Variants in THSD7B observed in about 807,000 individuals in gnomAD.
The protein encoded by THSD7B is thrombospondin type 1 domain containing 7B, also known as thrombospondin type-1 domain-containing protein 7B.
THSD7B carries 138 observed loss-of-function variants against 213.6 expected under a neutral mutation model. The ratio of observed to expected loss-of-function variants is 0.65; its 90% CI spans 0.56 to 0.74. The LOEUF is 0.74. THSD7B is among the 30% of genes least tolerant of loss of function. The pLI, the probability that THSD7B is intolerant of heterozygous loss-of-function variation, is 0.00. For missense variants in THSD7B, 1,931 were observed against 1,991.5 expected (o/e 0.97, Z 0.58); for synonymous variants, 742 against 687.0 (o/e 1.08, Z -1.25).
chr2:136,833,917 T>C (rs527421808), intron 1 of THSD7B, among the ~76,000 whole-genome samples: 77 of 152,314 alleles, frequency 5.1e-4, no homozygotes, highest in African/African-American at 1.9e-3. Context: ...TCATCTAAAA[T>C]GCATGGCATG....
chr2:137,275,981 A>C lies in THSD7B; in HGVS notation c.2455A>C (p.Ile819Leu). The C allele has an allele frequency of 6.2e-7, 1 of 1,612,312 alleles. No individual in the cohort carries two copies. Among genetic ancestry groups the C allele is most frequent in the Non-Finnish European group, 8.5e-7 (1 of 1,178,906 alleles). ...ILVPESVWQG[I>L]TGSSEACGKG... ...AGTGCCAGAGTCTGTCTGGCAGGGA[A>C]TAACGGGCAGCAGTGAAGCCTGTGG... The change falls in exon 12 of 28, where the codon ATA becomes CTA. Residue 819 changes from isoleucine (I) to leucine (L), a missense_variant. Physicochemically the swap from Ile to Leu is conservative, Grantham distance 5. Transcript: ENST00000409968.
intron 15 of THSD7B, among the ~76,000 whole-genome samples, chr2:137,486,369 T>A (rs997889452): frequency 2.0e-5 from 3 of 149,188 alleles, no homozygotes; most frequent in Admixed American, 6.7e-5. Flanking sequence ...AAACAGACTT[T>A]AAACCAACAA....
At chr2:136,903,063 A>G (rs1266618472) in intron 2 of THSD7B, among the ~76,000 whole-genome samples, 1 of 152,188 alleles carries the variant, frequency 6.6e-6, no homozygotes, top group Non-Finnish European at 1.5e-5. Flanking sequence ...TGAGTGCTCT[A>G]TCCCATCATT....
intron 1 of THSD7B, among the ~76,000 whole-genome samples, chr2:136,873,550 G>A (rs1683477102): frequency 6.6e-6 from 1 of 152,184 alleles, no homozygotes; most frequent in Non-Finnish European, 1.5e-5. Flanking sequence ...GGTACAGAGT[G>A]CTTTTTAGCT....
intron 6 of THSD7B, among the ~76,000 whole-genome samples, chr2:137,164,768 A>T (rs1423696141): frequency 6.6e-6 from 1 of 152,210 alleles, no homozygotes; most frequent in East Asian, 1.9e-4. Context: ...TTCTCAGCAA[A>T]CTATCGCAAG....
chr2:136,916,108 G>T (rs935041633), intron 2 of THSD7B, among the ~76,000 whole-genome samples: 4 of 152,150 alleles, frequency 2.6e-5, no homozygotes, highest in Non-Finnish European at 4.4e-5. Context: ...GGCAATGATG[G>T]ATGTTTTTGT....
intron 17 of THSD7B, among the ~76,000 whole-genome samples, chr2:137,612,363 C>T (rs1367887015): frequency 6.6e-6 from 1 of 152,158 alleles, no homozygotes; most frequent in African/African-American, 2.4e-5. Context: ...TCAAGCTTGA[C>T]TTCCAATGTA....
chr2:137,226,846 A>G (rs1267505219), intron 7 of THSD7B, among the ~76,000 whole-genome samples: 1 of 146,818 alleles, frequency 6.8e-6, no homozygotes, highest in Non-Finnish European at 1.6e-5. Context: ...CCAAATGTCT[A>G]TCGACAGATG....
At chr2:136,972,258 G>A (rs1685417730) in intron 2 of THSD7B, among the ~76,000 whole-genome samples, 1 of 152,088 alleles carries the variant, frequency 6.6e-6, no homozygotes. Flanking sequence ...ATCCACCTTG[G>A]AAGTTAGTAG....
At chr2:137,553,041 A>G (rs1202991714) in intron 15 of THSD7B, among the ~76,000 whole-genome samples, 1 of 152,182 alleles carries the variant, frequency 6.6e-6, no homozygotes, top group Non-Finnish European at 1.5e-5. Flanking sequence ...AAGCAATCTC[A>G]TAGTGCTTTA....
chr2:137,000,532 T>C (rs1685982202), intron 2 of THSD7B, among the ~76,000 whole-genome samples: 1 of 152,170 alleles, frequency 6.6e-6, no homozygotes, highest in African/African-American at 2.4e-5. Context: ...ATGAAACTGG[T>C]AATGCACCCA....
At chr2:137,320,040 G>A (rs990604081) in intron 12 of THSD7B, among the ~76,000 whole-genome samples, 8 of 152,144 alleles carry the variant, frequency 5.3e-5, no homozygotes, top group African/African-American at 7.2e-5. Context: ...TCCTAAGGGA[G>A]TTGCTGTGTC....
At chr2:137,001,011 CTA>C (rs1442568094) in intron 2 of THSD7B, among the ~76,000 whole-genome samples, 3 of 152,064 alleles carry the variant, frequency 2.0e-5, no homozygotes, top group Non-Finnish European at 4.4e-5. Flanking sequence ...GGTAGCAATA[CTA>C]TGTTTACATT....
intron 2 of THSD7B, among the ~76,000 whole-genome samples, chr2:137,054,751 G>C (rs1212436313): frequency 6.6e-6 from 1 of 151,520 alleles, no homozygotes. Context: ...AAGGTACCTA[G>C]TTAAGCTGAT....
chr2:137,611,798 A>T (rs1573742617), intron 17 of THSD7B, among the ~76,000 whole-genome samples: 1 of 152,266 alleles, frequency 6.6e-6, no homozygotes, highest in Admixed American at 6.5e-5. Flanking sequence ...AGGGTGAAAT[A>T]GCTCCATTTC....
intron 26 of THSD7B, 70 bp downstream of exon 26, chr2:137,663,645 G>C: frequency 7.4e-7 from 1 of 1,356,398 alleles, no homozygotes; most frequent in East Asian, 2.5e-5. Flanking sequence ...CACTTCTCAT[G>C]ATGGAAAGAA....
rs183852622 is a variant in THSD7B at position 137,273,827 on chromosome 2, A to T, written c.2396+1165A>T. ...ACACTGTCAATATTCATCCTTTTGTACAATGTCTAAATATTGAAACTTCTG... is the reference window on the plus strand; with the variant it reads ...ACACTGTCAATATTCATCCTTTTGTTCAATGTCTAAATATTGAAACTTCTG... On this transcript the variant is annotated intron_variant, in intron 11 of 27. Coordinates refer to ENST00000409968, the MANE Select transcript of THSD7B (RefSeq NM_001316349.2). 9.2e-5 allele frequency among the ~76,000 whole-genome samples: 14 copies of T among 152,224 alleles called. No homozygotes were observed. In the East Asian group the frequency reaches 2.5e-3, roughly 27 times the overall value.
chr2:137,262,827 T>A (rs1423201698), intron 10 of THSD7B, among the ~76,000 whole-genome samples: 1 of 152,156 alleles, frequency 6.6e-6, no homozygotes, highest in Non-Finnish European at 1.5e-5. Context: ...CATCAGGGAT[T>A]GTCCTTTAAT....
chr2:137,622,745 C>T (rs1302384924), intron 20 of THSD7B, among the ~76,000 whole-genome samples: 1 of 152,124 alleles, frequency 6.6e-6, no homozygotes, highest in Non-Finnish European at 1.5e-5. Context: ...TGGATAAATT[C>T]CTGGATACAT....
Sources: allele counts gnomAD v4.1 joint callset (sites outside exome capture counted in the v4.1 genomes callset), GRCh38; gene constraint gnomAD v4.1.1; transcripts MANE v1.5; gene names NCBI Gene and HGNC (gene_info 2026-07-23, HGNC 2026-07-21).